Variants in RBFOX1 observed in about 807,000 individuals in gnomAD.
RBFOX1 encodes RNA binding protein fox-1 homolog 1.
RBFOX1 carries 8 observed loss-of-function variants against 57.7 expected under a neutral mutation model. The ratio of observed to expected loss-of-function variants is 0.14; its 90% CI spans 0.08 to 0.25. RBFOX1 has a LOEUF of 0.25. RBFOX1 is among the 10% of genes least tolerant of loss of function. RBFOX1 has a pLI of 1.00. For missense variants in RBFOX1, 611 were observed against 548.5 expected (o/e 1.11, Z -1.14); for synonymous variants, 326 against 222.4 (o/e 1.47, Z -4.15).
intron 14 of RBFOX1, among the ~76,000 whole-genome samples, chr16:7,680,700 A>C (rs545365891): frequency 6.6e-6 from 1 of 152,190 alleles, no homozygotes; most frequent in Non-Finnish European, 1.5e-5. Flanking sequence ...TTTTGTTTTA[A>C]TGTATACCTT....
chr16:6,632,362 T>G (rs1246334512), intron 2 of RBFOX1, among the ~76,000 whole-genome samples: 1 of 151,940 alleles, frequency 6.6e-6, no homozygotes, highest in Non-Finnish European at 1.5e-5. Context: ...TCTGAACTTG[T>G]TGGAGAAACA....
chr16:7,079,142 G>A (rs1024816618), intron 4 of RBFOX1, among the ~76,000 whole-genome samples: 1 of 151,996 alleles, frequency 6.6e-6, no homozygotes, highest in Admixed American at 6.6e-5. Context: ...TACATTGTCT[G>A]TTGCTGTAGG....
At chr16:7,270,574 A>G (rs895432407) in intron 4 of RBFOX1, among the ~76,000 whole-genome samples, 1 of 152,322 alleles carries the variant, frequency 6.6e-6, no homozygotes, top group East Asian at 1.9e-4. Flanking sequence ...CACAGACTAG[A>G]ATCATATTTA....
At chr16:5,781,056 G>C (rs1045364118) in intron 3 of RBFOX1, among the ~76,000 whole-genome samples, 1 of 152,134 alleles carries the variant, frequency 6.6e-6, no homozygotes, top group African/African-American at 2.4e-5. Flanking sequence ...TGTTAAACTT[G>C]GGTTTGGCAA....
intron 1 of RBFOX1, among the ~76,000 whole-genome samples, chr16:6,100,447 C>T (rs531475226): frequency 2.3e-3 from 345 of 152,338 alleles, no homozygotes; most frequent in Non-Finnish European, 4.2e-3. Context: ...CAGGCATGAG[C>T]CACCGCGCCC....
At chr16:7,233,993 T>G (rs1354107495) in intron 4 of RBFOX1, among the ~76,000 whole-genome samples, 1 of 152,230 alleles carries the variant, frequency 6.6e-6, no homozygotes, top group Non-Finnish European at 1.5e-5. Flanking sequence ...AATTCTATTT[T>G]GATACTTTTC....
chr16:6,644,177 CA>C (rs1217319731), intron 2 of RBFOX1, among the ~76,000 whole-genome samples: 13 of 152,154 alleles, frequency 8.5e-5, no homozygotes, highest in African/African-American at 2.7e-4. Flanking sequence ...TTAGTCTTAG[CA>C]TCTAAACTCA....
At chr16:6,333,175 G>A (rs969739714) in intron 2 of RBFOX1, among the ~76,000 whole-genome samples, 2 of 152,080 alleles carry the variant, frequency 1.3e-5, no homozygotes, top group East Asian at 1.9e-4. Flanking sequence ...GAGTAGCTGG[G>A]ACTACAGTCA....
intron 2 of RBFOX1, among the ~76,000 whole-genome samples, chr16:5,576,097 C>T (rs1168445949): frequency 6.6e-6 from 1 of 152,134 alleles, no homozygotes; most frequent in African/African-American, 2.4e-5. Flanking sequence ...AGCAATTCTG[C>T]CTCTGCCTCC....
At chr16:6,222,396 G>C (rs556893582) in intron 1 of RBFOX1, among the ~76,000 whole-genome samples, 3 of 152,104 alleles carry the variant, frequency 2.0e-5, no homozygotes, top group Admixed American at 6.6e-5. Context: ...GGTTAGACAA[G>C]AGTGATGTAC....
chr16:6,032,478 C>G (rs541407090), intron 1 of RBFOX1, among the ~76,000 whole-genome samples: 2 of 152,166 alleles, frequency 1.3e-5, no homozygotes, highest in East Asian at 3.8e-4. Context: ...GGCTCTTGAG[C>G]TTTTTGTTCC....
At chr16:6,884,695 C>G (rs1014915590) in intron 3 of RBFOX1, among the ~76,000 whole-genome samples, 5 of 152,102 alleles carry the variant, frequency 3.3e-5, no homozygotes, top group East Asian at 1.9e-4. Flanking sequence ...GCCAGGGGTT[C>G]CAGACCAGCT....
chr16:5,656,081 A>G (rs1244007957), intron 3 of RBFOX1, among the ~76,000 whole-genome samples: 1 of 152,212 alleles, frequency 6.6e-6, no homozygotes. Flanking sequence ...AATGAATAAT[A>G]TTAATTATTA....
chr16:5,820,405 A>C (rs1465712326), intron 3 of RBFOX1, among the ~76,000 whole-genome samples: 1 of 152,128 alleles, frequency 6.6e-6, no homozygotes, highest in African/African-American at 2.4e-5. Flanking sequence ...TGGGGTGAGG[A>C]AGGACCATCC....
At chr16:7,502,610 T>G (rs1274003621) in intron 4 of RBFOX1, among the ~76,000 whole-genome samples, 1 of 152,222 alleles carries the variant, frequency 6.6e-6, no homozygotes, top group Non-Finnish European at 1.5e-5. Context: ...TTTTTTTAAT[T>G]ATACTTTAAG....
intron 3 of RBFOX1, among the ~76,000 whole-genome samples, chr16:5,691,158 C>G (rs935269498): frequency 6.6e-6 from 1 of 152,224 alleles, no homozygotes; most frequent in African/African-American, 2.4e-5. Flanking sequence ...CTTATGTTTT[C>G]TGAGCTCCTC....
At chr16:7,170,866 G>A (rs2080551077) in intron 4 of RBFOX1, among the ~76,000 whole-genome samples, 3 of 152,156 alleles carry the variant, frequency 2.0e-5, no homozygotes, top group African/African-American at 4.8e-5. Context: ...TGTCTGCTCT[G>A]CGCAGTTGAG....
At chr16:7,673,465 G>C (rs1272365719) in intron 13 of RBFOX1, among the ~76,000 whole-genome samples, 1 of 152,162 alleles carries the variant, frequency 6.6e-6, no homozygotes, top group East Asian at 1.9e-4. Context: ...CCAGCACTTT[G>C]GGAGGCTGAA....
chr16:7,540,199 G>A (rs191374517), intron 5 of RBFOX1, among the ~76,000 whole-genome samples: 4 of 152,282 alleles, frequency 2.6e-5, no homozygotes, highest in Admixed American at 2.0e-4. Context: ...CCAAGCTTGC[G>A]ATGTTGCTTC....
Sources: gnomAD v4.1 joint callset for allele counts (sites outside exome capture counted in the v4.1 genomes callset) on GRCh38, gnomAD v4.1.1 for gene constraint, MANE v1.5 for transcripts, NCBI Gene and HGNC (gene_info 2026-07-23, HGNC 2026-07-21) for gene names.